HTR1F: variants seen among roughly 807,000 people sequenced by gnomAD.
HTR1F encodes 5-hydroxytryptamine receptor 1F, also known as 5-hydroxytryptamine (serotonin) receptor 1F, G protein-coupled.
A neutral mutation model predicts 24.0 loss-of-function variants in HTR1F; 17 were observed. That is an observed-to-expected ratio of 0.71 (90% CI 0.48 to 1.06). The LOEUF is 1.06. HTR1F is among the 50% of genes least tolerant of loss of function. The probability of loss-of-function intolerance (pLI) is 0.00; values close to 1 mark genes in which losing one functional copy is unlikely to be tolerated. For synonymous variants in HTR1F, 186 were observed against 156.8 expected (o/e 1.19, Z -1.39); for missense variants, 391 against 427.8 (o/e 0.91, Z 0.76).
At chr3:87,830,529 A>G (rs1397533012) in intron 2 of HTR1F, among the ~76,000 whole-genome samples, 1 of 152,200 alleles carries the variant, frequency 6.6e-6, no homozygotes, top group African/African-American at 2.4e-5. Flanking sequence ...GCTCTGGTTT[A>G]TCATCATGAA....
At chr3:87,914,216 C>T (rs1367017169) in intron 2 of HTR1F, among the ~76,000 whole-genome samples, 3 of 152,108 alleles carry the variant, frequency 2.0e-5, no homozygotes, top group Admixed American at 6.6e-5. Context: ...GGGTCCCCTA[C>T]CAAGCCGTTT....
intron 2 of HTR1F, among the ~76,000 whole-genome samples, chr3:87,847,344 T>C (rs1395149399): frequency 2.6e-5 from 4 of 151,854 alleles, no homozygotes; most frequent in Non-Finnish European, 4.4e-5. Context: ...CAGCTTGAAC[T>C]GAAGACTTAC....
chr3:87,974,653 T>C (rs1036411494), intron 2 of HTR1F, among the ~76,000 whole-genome samples: 1 of 152,234 alleles, frequency 6.6e-6, no homozygotes, highest in Non-Finnish European at 1.5e-5. Flanking sequence ...AAATGTTTTA[T>C]GGCATATTCA....
intron 1 of HTR1F, among the ~76,000 whole-genome samples, chr3:87,796,689 G>A (rs577903942): frequency 1.9e-4 from 29 of 152,282 alleles, no homozygotes; most frequent in Admixed American, 5.2e-4. Context: ...AAAAGGAAGT[G>A]CTGATCAGCT....
At chr3:87,967,548 G>A (rs1247563888) in intron 2 of HTR1F, among the ~76,000 whole-genome samples, 3 of 150,402 alleles carry the variant, frequency 2.0e-5, no homozygotes, top group Non-Finnish European at 2.9e-5. Context: ...TAATTCCCAC[G>A]TGTCATTAGA....
chr3:87,909,595 A>G (rs1322310494), intron 2 of HTR1F, among the ~76,000 whole-genome samples: 2 of 152,080 alleles, frequency 1.3e-5, no homozygotes, highest in Non-Finnish European at 2.9e-5. Context: ...AATCAATTTT[A>G]CCAGAAAGAA....
intron 2 of HTR1F, among the ~76,000 whole-genome samples, chr3:87,924,894 T>A (rs1344409343): frequency 1.3e-5 from 2 of 152,174 alleles, no homozygotes; most frequent in Non-Finnish European, 2.9e-5. Context: ...GCTTCTTGGA[T>A]CTGGATGTTT....
At chr3:87,976,961 C>G (rs1393114912) in intron 2 of HTR1F, among the ~76,000 whole-genome samples, 1 of 152,182 alleles carries the variant, frequency 6.6e-6, no homozygotes, top group African/African-American at 2.4e-5. Context: ...AGGAAAAGAT[C>G]ATGACCATAA....
chr3:87,931,619 G>A (rs1249167943), intron 2 of HTR1F, among the ~76,000 whole-genome samples: 9 of 152,004 alleles, frequency 5.9e-5, no homozygotes, highest in African/African-American at 1.9e-4. Context: ...CTGAGGAATC[G>A]CCACACTGAC....
At chr3:87,837,921 A>G (rs1443967702) in intron 2 of HTR1F, among the ~76,000 whole-genome samples, 1 of 151,758 alleles carries the variant, frequency 6.6e-6, no homozygotes, top group Admixed American at 6.6e-5. Context: ...TTTCATTTCT[A>G]TTTTCTTATA....
intron 2 of HTR1F, among the ~76,000 whole-genome samples, chr3:87,848,219 G>T (rs1358987498): frequency 6.6e-6 from 1 of 151,890 alleles, no homozygotes. Context: ...GAACTGGGGT[G>T]AGATGATAGC....
chr3:87,822,611 A>G (rs757549257), intron 2 of HTR1F, among the ~76,000 whole-genome samples: 9 of 152,178 alleles, frequency 5.9e-5, no homozygotes, highest in Admixed American at 2.0e-4. Context: ...TAACTCTTAC[A>G]TCTCCATGTT....
chr3:87,924,922 T>C (rs1403863348), intron 2 of HTR1F, among the ~76,000 whole-genome samples: 2 of 152,178 alleles, frequency 1.3e-5, no homozygotes, highest in Non-Finnish European at 2.9e-5. Flanking sequence ...TCTCAAGACT[T>C]AGGAAATTTT....
At chr3:87,875,156 C>T (rs1009622358) in intron 2 of HTR1F, among the ~76,000 whole-genome samples, 2 of 152,056 alleles carry the variant, frequency 1.3e-5, no homozygotes, top group African/African-American at 4.8e-5. Context: ...AACTTAAAAA[C>T]TTCTACACAG....
At chr3:87,929,296 G>A (rs1704202822) in intron 2 of HTR1F, among the ~76,000 whole-genome samples, 1 of 152,100 alleles carries the variant, frequency 6.6e-6, no homozygotes, top group South Asian at 2.1e-4. Flanking sequence ...CTTCATCAGG[G>A]CAGAGCCTCT....
At chr3:87,794,809 G>T (rs954090050) in intron 1 of HTR1F, among the ~76,000 whole-genome samples, 2 of 151,872 alleles carry the variant, frequency 1.3e-5, no homozygotes, top group East Asian at 3.9e-4. Context: ...AAGTCAACTT[G>T]TTCACTTTTT....
intron 1 of HTR1F, among the ~76,000 whole-genome samples, chr3:87,804,949 A>G (rs933329566): frequency 6.6e-6 from 1 of 152,122 alleles, no homozygotes; most frequent in African/African-American, 2.4e-5. Flanking sequence ...GCTGAAATTC[A>G]TATTTATATA....
At chr3:87,863,481 T>C (rs1705360691) in intron 2 of HTR1F, among the ~76,000 whole-genome samples, 2 of 152,326 alleles carry the variant, frequency 1.3e-5, no homozygotes, top group African/African-American at 2.4e-5. Flanking sequence ...ATTAATTACT[T>C]ACAAATTCTA....
chr3:87,792,959 G>T (rs1407688380), intron 1 of HTR1F, among the ~76,000 whole-genome samples, 117 bp downstream of exon 1: 1 of 152,230 alleles, frequency 6.6e-6, no homozygotes, highest in Non-Finnish European at 1.5e-5. Flanking sequence ...GCTTGCTCTC[G>T]GCGGAAACGC....
Sources: allele counts gnomAD v4.1 joint callset (sites outside exome capture counted in the v4.1 genomes callset), GRCh38; gene constraint gnomAD v4.1.1; transcripts MANE v1.5; gene names NCBI Gene and HGNC (gene_info 2026-07-23, HGNC 2026-07-21).